The following OSCAR variants were observed in gnomAD, a reference collection of about 807,000 sequenced individuals.
OSCAR encodes osteoclast-associated immunoglobulin-like receptor.
A neutral mutation model predicts 27.3 loss-of-function variants in OSCAR; 25 were observed. The observed-to-expected ratio is 0.92, with a 90% CI of 0.67 to 1.28. The LOEUF (loss-of-function observed/expected upper bound fraction) is 1.28. Among genes scored for constraint, OSCAR ranks in the 50% most tolerant of loss-of-function variants. OSCAR has a pLI of 0.00. For synonymous variants in OSCAR, 158 were observed against 165.7 expected (o/e 0.95, Z 0.36); for missense variants, 354 against 355.1 (o/e 1.00, Z 0.03).
rs771993229 is a variant in OSCAR at position 54,096,074 on chromosome 19, C to A, written c.453G>T (p.Ala151=). The A allele has an allele frequency of 5.2e-6, 8 of 1,537,102 alleles. No homozygotes were observed. In the African/African-American group the frequency reaches 5.5e-5, roughly 11 times the overall value. ...GPGANVSLRC[A]GRLRNMSFVL... ...CGAAGCTCATGTTCCGCAGGCGGCC[C>A]GCGCAGCGCAGGCTCACGTTGGCGC... The change falls in exon 4 of 5, where the codon GCG becomes GCT. Residue 151 remains alanine, a synonymous_variant. Transcript: ENST00000358375.
intron 2 of OSCAR, 29 bp from the exon 3 acceptor site, chr19:54,097,193 G>T (rs754047472): frequency 1.3e-6 from 2 of 1,576,042 alleles, no homozygotes; most frequent in Non-Finnish European, 1.7e-6. Flanking sequence ...CTGGGTCCTC[G>T]GGCCTCCTGG....
intron 2 of OSCAR, 163 bp downstream of exon 2, chr19:54,099,585 C>G: frequency 6.2e-7 from 1 of 1,602,628 alleles, no homozygotes; most frequent in Non-Finnish European, 8.5e-7. Context: ...GTCTTCAGTA[C>G]TCACCTATAA....
At chr19:54,099,599 C>A in intron 2 of OSCAR, 149 bp downstream of exon 2, 1 of 1,610,370 alleles carries the variant, frequency 6.2e-7, no homozygotes, top group Non-Finnish European at 8.5e-7. Flanking sequence ...CCTATAATGG[C>A]CACTAAGGGG....
chr19:54,098,129 A>C (rs1215157117), intron 2 of OSCAR, among the ~76,000 whole-genome samples: 1 of 152,210 alleles, frequency 6.6e-6, no homozygotes, highest in African/African-American at 2.4e-5. Flanking sequence ...GGCTTCTTAA[A>C]ATATAAAATA....
At chr19:54,096,484 C>G (rs1390936831) in intron 3 of OSCAR, among the ~76,000 whole-genome samples, 1 of 121,882 alleles carries the variant, frequency 8.2e-6, no homozygotes, top group Non-Finnish European at 1.6e-5. Flanking sequence ...GCCTCCCTCT[C>G]TCTGCCTCCC....
chr19:54,099,280 G>A (rs1248419975), intron 2 of OSCAR, among the ~76,000 whole-genome samples: 1 of 125,264 alleles, frequency 8.0e-6, no homozygotes, highest in Non-Finnish European at 1.6e-5. Flanking sequence ...CACCACATTA[G>A]CCAGGATGAT....
At chr19:54,097,281 G>T in intron 2 of OSCAR, 117 bp from the exon 3 acceptor site, 2 of 1,089,014 alleles carry the variant, frequency 1.8e-6, no homozygotes, top group Non-Finnish European at 2.6e-6. Flanking sequence ...CTTAGCCTCA[G>T]TTTCCTGTTT....
chr19:54,097,046 TC>T lies in OSCAR; in HGVS notation c.188del (p.Gly63AspfsTer28). The T allele has an allele frequency of 6.2e-7, 1 of 1,614,100 alleles. No individual in the cohort carries two copies. Among genetic ancestry groups the T allele is most frequent in the Non-Finnish European group, 8.5e-7 (1 of 1,180,022 alleles). On this transcript the variant is annotated frameshift_variant, in exon 3 of 5. Transcript: ENST00000358375. LOFTEE classifies it high-confidence loss of function. ...GAGCGATCTCTCCAGGCTTGAAAAG[TC>T]CAAATCTCCAAGCGGGTTGGGGTGC... ...CRAPQPAWRFGLFKPGEIAPL... is the reference protein window; with the variant it reads ...CRAPQPAWRFXLFKPGEIAPL...
rs747920435 is a variant in OSCAR at position 54,099,776 on chromosome 19, A to G, written c.42T>C (p.Pro14=). The G allele has an allele frequency of 3.1e-6, 5 of 1,612,352 alleles. No homozygotes were observed. The East Asian group carries it at 8.9e-5, about 29-fold the overall frequency. Residue 14 remains proline, a synonymous_variant, in exon 2 of 5, where the codon CCT becomes CCC. Transcript: ENST00000358375. ...ACGGAGTGATGTCTGTGTGACACAG[A>G]GGCCCTGTAGGAGGTTGAGGGACTA... The part of the protein sequence containing the change: ...VLILQLLTLW[P]LCHTDITPSV...
rs760062815 is a variant in OSCAR, at chr19:54,095,860, CA to C, written c.655+11del. ...GGGGCGGAGGAGGCGGGCCGGGCCT[CA>C]GGGCCCTCACCTTCCCAGCTGATGA... On this transcript the variant is annotated intron_variant, in intron 4 of 4. Coordinates refer to ENST00000358375, the MANE Select transcript of OSCAR (RefSeq NM_133169.6). 67 of 1,552,946 alleles carry C rather than the reference CA, an allele frequency of 4.3e-5. No homozygotes were observed. Among genetic ancestry groups the C allele is most frequent in the Non-Finnish European group, 5.7e-5 (66 of 1,147,836 alleles).
At position 54,098,098 on chromosome 19, in the gene OSCAR, T is replaced by C. The variant is rs1182796430; in HGVS notation, c.71-934A>G. 3.3e-5 allele frequency among the ~76,000 whole-genome samples: 5 copies of C among 152,262 alleles called. No individual in the cohort carries two copies. In the South Asian group the frequency reaches 1.0e-3, roughly 32 times the overall value. ...GTATTCAAAAAACTATAGGAAAATA[T>C]ATTTGTCTTGGGGTAAGGAAGGCTT... On this transcript the variant is annotated intron_variant, in intron 2 of 4. Coordinates refer to ENST00000358375, the MANE Select transcript of OSCAR (RefSeq NM_133169.6).
At chr19:54,098,193 G>A (rs1382628899) in intron 2 of OSCAR, among the ~76,000 whole-genome samples, 7 of 152,128 alleles carry the variant, frequency 4.6e-5, no homozygotes, top group African/African-American at 1.7e-4. Context: ...CTTAAGTTGT[G>A]TATGCTAAAA....
At chr19:54,098,302 C>A (rs190824264) in intron 2 of OSCAR, among the ~76,000 whole-genome samples, 1,595 of 152,254 alleles carry the variant, frequency 0.01, 13 homozygotes, top group Non-Finnish European at 0.014. Flanking sequence ...CGGTGGCTCA[C>A]AGCTGTAATC....
In OSCAR at chr19:54,095,979, G is replaced by A. The variant is rs369769592; in HGVS notation, c.548C>T (p.Thr183Met). Residue 183 changes from threonine to methionine, a missense_variant, in exon 4 of 5, where the codon ACG becomes ATG. Physicochemically the swap from Thr to Met is moderately conservative, Grantham distance 81 (BLOSUM62 -1). Coordinates refer to ENST00000358375, the MANE Select transcript of OSCAR (RefSeq NM_133169.6). ...GCCGGGGGCGCGGGCGCCCAGCAGC[G>A]TGAAGTCGGCCCAGGGCTGCGCGGA... The part of the protein sequence containing the change: ...RHSAQPWADF[T>M]LLGARAPGTY... 3.8e-5 allele frequency: 60 copies of A among 1,589,914 alleles called. No homozygotes were observed. The highest frequency in any genetic ancestry group is 4.8e-5 in the Non-Finnish European group (56 of 1,169,332).
chr19:54,099,563 C>T (rs1166579798), intron 2 of OSCAR, 185 bp downstream of exon 2: 2 of 1,570,770 alleles, frequency 1.3e-6, no homozygotes, highest in South Asian at 1.1e-5. Flanking sequence ...GCCTCTGCCT[C>T]AGAAGTTCCT....
Position 54,099,799 on chromosome 19 carries a change from C to A in OSCAR, c.38-19G>T. On this transcript the variant is annotated intron_variant, in intron 1 of 4. Coordinates refer to ENST00000358375, the MANE Select transcript of OSCAR (RefSeq NM_133169.6). Reference sequence around the variant, plus strand: ...AGAGGCCCTGTAGGAGGTTGAGGGACTAGTTTCTTTTTCCTTTTTTTTTTT... The same window carrying A: ...AGAGGCCCTGTAGGAGGTTGAGGGAATAGTTTCTTTTTCCTTTTTTTTTTT... The A allele has an allele frequency of 1.9e-6, 3 of 1,593,440 alleles. No homozygotes were observed. Among genetic ancestry groups the A allele is most frequent in the Non-Finnish European group, 2.6e-6 (3 of 1,173,634 alleles).
intron 2 of OSCAR, 110 bp from the exon 3 acceptor site, chr19:54,097,274 A>G: frequency 1.8e-6 from 2 of 1,133,166 alleles, no homozygotes; most frequent in Non-Finnish European, 2.5e-6. Context: ...CCCCTTTCTT[A>G]GCCTCAGTTT....
chr19:54,096,903 ACACCCGGCCC>A lies in OSCAR; in HGVS notation c.322_331del (p.Gly108SerfsTer13). The A allele has an allele frequency of 6.2e-7, 1 of 1,613,950 alleles. No homozygotes were observed. Among genetic ancestry groups the A allele is most frequent in the Non-Finnish European group, 8.5e-7 (1 of 1,179,952 alleles). On this transcript the variant is annotated frameshift_variant, in exon 3 of 5. Coordinates refer to ENST00000358375, the MANE Select transcript of OSCAR (RefSeq NM_133169.6). LOFTEE classifies it high-confidence loss of function. ...CAGGACATCGCTGGGCTGGGACCAG[ACACCCGGCCC>A]CCAGTCTGGCCTTCGGTAGCAGCAG...
intron 1 of OSCAR, 58 bp downstream of exon 1, chr19:54,100,698 C>T: frequency 6.6e-7 from 1 of 1,508,106 alleles, no homozygotes; most frequent in Non-Finnish European, 9.0e-7. Context: ...TCTCCATTGC[C>T]TCTCTCTCTG....
Sources: allele counts gnomAD v4.1 joint callset (sites outside exome capture counted in the v4.1 genomes callset), GRCh38; gene constraint gnomAD v4.1.1; transcripts MANE v1.5; gene names NCBI Gene and HGNC (gene_info 2026-07-23, HGNC 2026-07-21).